Variants in JAK2 observed in about 807,000 individuals in gnomAD.
The protein encoded by JAK2 is Janus kinase 2, also known as tyrosine-protein kinase JAK2.
In JAK2, 86 loss-of-function variants were observed where a neutral mutation model predicts 139.3. The ratio of observed to expected loss-of-function variants is 0.62; its 90% CI spans 0.52 to 0.74. JAK2 has a LOEUF of 0.74. JAK2 is among the 30% of genes least tolerant of loss of function. The probability of loss-of-function intolerance (pLI) is 0.00; values close to 1 mark genes in which losing one functional copy is unlikely to be tolerated. For synonymous variants in JAK2, 490 were observed against 437.7 expected (o/e 1.12, Z -1.49); for missense variants, 1,421 against 1,360.3 (o/e 1.04, Z -0.70).
intron 2 of JAK2, among the ~76,000 whole-genome samples, chr9:5,003,551 T>A (rs1228560582): frequency 6.6e-6 from 1 of 152,070 alleles, no homozygotes; most frequent in African/African-American, 2.4e-5. Context: ...TGCAGTTGAT[T>A]TTTATATATT....
At chr9:5,112,382 G>A (rs1822673739) in intron 22 of JAK2, 2 of 424,976 alleles carry the variant, frequency 4.7e-6, no homozygotes, top group South Asian at 2.7e-5. Flanking sequence ...AGGCCACTGG[G>A]GAAATCAAGC....
intron 2 of JAK2, among the ~76,000 whole-genome samples, 192 bp downstream of exon 2, chr9:4,986,214 G>A (rs558597097): frequency 2.6e-5 from 4 of 152,160 alleles, no homozygotes. Context: ...GTTCGTCTTG[G>A]ATCCTTTAAG....
chr9:5,111,112 T>C, intron 22 of JAK2: 1 of 1,216,950 alleles, frequency 8.2e-7, no homozygotes. Context: ...GAACAGCTCC[T>C]CCTTTGACCC....
At chr9:5,111,081 C>T (rs1311083499) in intron 22 of JAK2, 3 of 1,219,952 alleles carry the variant, frequency 2.5e-6, no homozygotes, top group Non-Finnish European at 2.3e-6. Flanking sequence ...CCAGCTCAGG[C>T]TCCTGGGGCA....
intron 2 of JAK2, among the ~76,000 whole-genome samples, chr9:4,998,930 TCCTG>T (rs1386557159): frequency 6.6e-6 from 1 of 151,648 alleles, no homozygotes; most frequent in Non-Finnish European, 1.5e-5. Context: ...CACGCCATTC[TCCTG>T]CCTCAGCCTC....
At chr9:5,063,961 G>T (rs540770599) in intron 8 of JAK2, among the ~76,000 whole-genome samples, 32 of 152,318 alleles carry the variant, frequency 2.1e-4, no homozygotes, top group East Asian at 5.8e-4. Context: ...TTTGAGACCA[G>T]CCTGGCCAAC....
At chr9:5,079,726 G>C (rs1214795744) in intron 16 of JAK2, among the ~76,000 whole-genome samples, 1 of 152,024 alleles carries the variant, frequency 6.6e-6, no homozygotes, top group Admixed American at 6.6e-5. Context: ...TAAAGCGCTT[G>C]GGTGGATCAC....
intron 23 of JAK2, among the ~76,000 whole-genome samples, chr9:5,124,171 CTGT>C (rs1179399497): frequency 1.3e-5 from 2 of 151,784 alleles, no homozygotes; most frequent in African/African-American, 4.8e-5. Flanking sequence ...TCTGTTCATT[CTGT>C]TGATTATTGA....
At chr9:5,012,553 G>C (rs1190668946) in intron 2 of JAK2, among the ~76,000 whole-genome samples, 1 of 152,066 alleles carries the variant, frequency 6.6e-6, no homozygotes, top group Non-Finnish European at 1.5e-5. Flanking sequence ...ATTAAGGGAG[G>C]CAACCCAGCC....
At chr9:5,020,321 G>C (rs979932660) in intron 2 of JAK2, among the ~76,000 whole-genome samples, 2 of 152,174 alleles carry the variant, frequency 1.3e-5, no homozygotes, top group East Asian at 3.9e-4. Flanking sequence ...GGACAAACTG[G>C]TGCGATCCCA....
intron 2 of JAK2, among the ~76,000 whole-genome samples, chr9:5,005,027 C>T (rs912506998): frequency 6.7e-6 from 1 of 148,450 alleles, no homozygotes; most frequent in African/African-American, 2.5e-5. Context: ...AGTGATCCTC[C>T]TCCTTCAGCC....
At chr9:5,094,090 T>C (rs1198576920) in intron 22 of JAK2, 2 of 152,162 alleles carry the variant, frequency 1.3e-5, no homozygotes, top group Non-Finnish European at 2.9e-5. Flanking sequence ...CAACTCCCCT[T>C]CTTAACAATA....
intron 22 of JAK2, chr9:5,109,477 A>G (rs553279885): frequency 6.6e-6 from 1 of 152,276 alleles, no homozygotes; most frequent in African/African-American, 2.4e-5. Flanking sequence ...CATTGGTGCA[A>G]CTCCAAAGAA....
At chr9:5,028,923 A>G (rs1026067904) in intron 3 of JAK2, among the ~76,000 whole-genome samples, 10 of 152,334 alleles carry the variant, frequency 6.6e-5, no homozygotes, top group East Asian at 3.9e-4. Flanking sequence ...CACATCATCA[A>G]TAAGGCTGTT....
Position 5,021,944 on chromosome 9 carries a change from T to G in JAK2, c.-25-19T>G. ...CACTGCGCCCAGCCCATTTGTAACTTTATTGTTTTCTCTTACAGGCAAATG... is the reference window on the plus strand; with the variant it reads ...CACTGCGCCCAGCCCATTTGTAACTGTATTGTTTTCTCTTACAGGCAAATG... On this transcript the variant is annotated intron_variant, in intron 2 of 24. Coordinates refer to ENST00000381652, the MANE Select transcript of JAK2 (RefSeq NM_004972.4). The G allele has an allele frequency of 2.0e-6, 3 of 1,465,000 alleles. No homozygotes were observed. Among genetic ancestry groups the G allele is most frequent in the Non-Finnish European group, 2.9e-6 (3 of 1,047,958 alleles). 90.8% of individuals were successfully genotyped at this position (1,465,000 alleles called of 1,614,324 possible). A position where few individuals can be genotyped will look rare whatever the true frequency, so the allele number is the denominator to read the frequency against.
At chr9:5,089,638 C>A in intron 19 of JAK2, 36 bp from the exon 20 acceptor site, 4 of 1,001,818 alleles carry the variant, frequency 4.0e-6, no homozygotes, top group Non-Finnish European at 2.6e-6. Flanking sequence ...GCCTTGAAAA[C>A]TTGGTATTTC....
intron 15 of JAK2, 90 bp downstream of exon 15, chr9:5,077,670 C>T: frequency 1.3e-6 from 1 of 787,716 alleles, no homozygotes; most frequent in Non-Finnish European, 1.8e-6. Flanking sequence ...AAAAATAAAT[C>T]TGTAATTGGA....
At chr9:5,048,730 CT>C (rs1180939884) in intron 5 of JAK2, among the ~76,000 whole-genome samples, 11 of 152,034 alleles carry the variant, frequency 7.2e-5, no homozygotes, top group African/African-American at 2.7e-4. Flanking sequence ...AGCAAATATA[CT>C]TTTAAATATG....
At chr9:5,120,212 G>A (rs1453264362) in intron 22 of JAK2, among the ~76,000 whole-genome samples, 2 of 152,204 alleles carry the variant, frequency 1.3e-5, no homozygotes, top group Non-Finnish European at 2.9e-5. Flanking sequence ...GGAAGGGCGA[G>A]AGGGGCCAAA....
Sources: allele counts gnomAD v4.1 joint callset (sites outside exome capture counted in the v4.1 genomes callset), GRCh38; gene constraint gnomAD v4.1.1; transcripts MANE v1.5; gene names NCBI Gene and HGNC (gene_info 2026-07-23, HGNC 2026-07-21).